Variants in CDK14 observed in about 807,000 individuals in gnomAD.
The protein encoded by CDK14 is cyclin dependent kinase 14, also known as cyclin-dependent kinase 14.
CDK14 carries 34 observed loss-of-function variants against 60.7 expected under a neutral mutation model. The observed-to-expected ratio is 0.56, with a 90% CI of 0.43 to 0.75. CDK14 has a LOEUF of 0.75. Ranked by LOEUF, CDK14 falls within the 30% of genes least tolerant of loss-of-function variation. The probability of loss-of-function intolerance (pLI) is 0.00; values close to 1 mark genes in which losing one functional copy is unlikely to be tolerated. For synonymous variants in CDK14, 197 were observed against 203.7 expected (o/e 0.97, Z 0.28); for missense variants, 482 against 564.1 (o/e 0.85, Z 1.47).
chr7:90,850,320 T>C (rs1038215310), intron 5 of CDK14, among the ~76,000 whole-genome samples: 8 of 152,200 alleles, frequency 5.3e-5, no homozygotes, highest in African/African-American at 1.9e-4. Flanking sequence ...CATGCATGCG[T>C]TATTCAATCA....
chr7:91,201,337 G>A, intron 14 of CDK14, among the ~76,000 whole-genome samples: 1 of 152,060 alleles, frequency 6.6e-6, no homozygotes, highest in African/African-American at 2.4e-5. Flanking sequence ...GAAATGAGCG[G>A]ATTACCTCAC....
intron 10 of CDK14, among the ~76,000 whole-genome samples, chr7:90,997,849 C>A (rs1795729014): frequency 1.3e-5 from 2 of 152,138 alleles, no homozygotes; most frequent in African/African-American, 4.8e-5. Context: ...TTGTGAGTGT[C>A]TTTAGTAAGC....
chr7:90,637,983 C>A (rs1448226008), intron 2 of CDK14, among the ~76,000 whole-genome samples: 1 of 133,012 alleles, frequency 7.5e-6, no homozygotes, highest in Non-Finnish European at 1.6e-5. Context: ...TTTCCATTTG[C>A]TTGGTAGATC....
chr7:91,007,415 G>A (rs571496297), intron 10 of CDK14, among the ~76,000 whole-genome samples: 176 of 152,278 alleles, frequency 1.2e-3, no homozygotes, highest in Middle Eastern at 3.4e-3. Flanking sequence ...TCAGGTGTGG[G>A]CCACACCACT....
chr7:91,035,276 G>C (rs545422240), intron 10 of CDK14, among the ~76,000 whole-genome samples: 1 of 152,194 alleles, frequency 6.6e-6, no homozygotes, highest in Non-Finnish European at 1.5e-5. Context: ...CTAGTGCACT[G>C]TGTCTATGGA....
chr7:90,832,781 A>G (rs1194656712), intron 5 of CDK14, among the ~76,000 whole-genome samples: 1 of 152,216 alleles, frequency 6.6e-6, no homozygotes, highest in East Asian at 1.9e-4. Flanking sequence ...TAGCTTAAGA[A>G]CATAGGTCAT....
chr7:90,624,680 T>C (rs1454842940), intron 2 of CDK14, among the ~76,000 whole-genome samples: 2 of 152,204 alleles, frequency 1.3e-5, no homozygotes, highest in African/African-American at 4.8e-5. Flanking sequence ...AAGCTGCTTA[T>C]GAGAAGGATT....
At chr7:90,665,441 G>T (rs1187425707) in intron 2 of CDK14, among the ~76,000 whole-genome samples, 1 of 152,168 alleles carries the variant, frequency 6.6e-6, no homozygotes, top group Non-Finnish European at 1.5e-5. Flanking sequence ...GAGTTTAGCA[G>T]AAAGCAGGAA....
At chr7:90,941,895 C>A (rs1793948490) in intron 8 of CDK14, among the ~76,000 whole-genome samples, 1 of 152,226 alleles carries the variant, frequency 6.6e-6, no homozygotes, top group South Asian at 2.1e-4. Flanking sequence ...CACATCCTGG[C>A]TCCTCCCTGG....
intron 12 of CDK14, among the ~76,000 whole-genome samples, chr7:91,084,258 G>A (rs530643647): frequency 1.1e-3 from 161 of 152,306 alleles, no homozygotes; most frequent in Non-Finnish European, 1.5e-3. Context: ...GCAGCCATGG[G>A]TGGGGATATC....
intron 8 of CDK14, among the ~76,000 whole-genome samples, chr7:90,941,186 G>T (rs1432392613): frequency 1.3e-5 from 2 of 152,184 alleles, no homozygotes; most frequent in African/African-American, 4.8e-5. Flanking sequence ...GTTGAGATTA[G>T]AATTAGATAT....
chr7:90,700,506 C>T (rs549328630), intron 2 of CDK14, among the ~76,000 whole-genome samples: 23 of 152,238 alleles, frequency 1.5e-4, no homozygotes, highest in African/African-American at 5.1e-4. Context: ...AGAAAAGAAC[C>T]TTTATTCATA....
intron 10 of CDK14, among the ~76,000 whole-genome samples, chr7:91,021,287 G>A (rs1363610425): frequency 6.6e-6 from 1 of 152,144 alleles, no homozygotes; most frequent in South Asian, 2.1e-4. Context: ...TTCACAACAT[G>A]GGACTTAACC....
chr7:90,616,474 C>T (rs907822321), intron 2 of CDK14, among the ~76,000 whole-genome samples: 1 of 152,142 alleles, frequency 6.6e-6, no homozygotes, highest in Non-Finnish European at 1.5e-5. Context: ...ATTCTCTTCT[C>T]TTAAAAGGCA....
At chr7:90,636,219 C>T (rs1430853564) in intron 2 of CDK14, among the ~76,000 whole-genome samples, 3 of 152,180 alleles carry the variant, frequency 2.0e-5, no homozygotes, top group African/African-American at 7.2e-5. Flanking sequence ...TGCCAGTTTT[C>T]AAATGGAATG....
At chr7:91,175,528 G>C (rs149523589) in intron 14 of CDK14, among the ~76,000 whole-genome samples, 8,837 of 152,164 alleles carry the variant, frequency 0.058, 380 homozygotes, top group Admixed American at 0.14. Flanking sequence ...TGAATAAAGA[G>C]TCAAGACCCA....
In CDK14 at chr7:90,774,168, T is replaced by C. The variant is rs1284023967; in HGVS notation, c.465-16405T>C. Reference sequence around the variant, plus strand: ...ATCTGCCTGCCCTGGCCTCCCAGAGTGCTGAGATTACAGGTGTGAGCCACT... The same window carrying C: ...ATCTGCCTGCCCTGGCCTCCCAGAGCGCTGAGATTACAGGTGTGAGCCACT... On this transcript the variant is annotated intron_variant, in intron 4 of 14. Coordinates refer to ENST00000380050, the MANE Select transcript of CDK14 (RefSeq NM_001287135.2). Among the ~76,000 whole-genome samples, 5 of 151,854 alleles carry C rather than the reference T, an allele frequency of 3.3e-5. No individual in the cohort carries two copies. In the East Asian group the frequency reaches 7.8e-4, roughly 24 times the overall value.
chr7:90,783,617 C>T lies in CDK14; in HGVS notation c.465-6956C>T, dbSNP rs1394977623. ...AAGATCGATTAAAAAATGGGCAAAACATTTGAATAGACATTTCTCAAAAGA... is the reference window on the plus strand; with the variant it reads ...AAGATCGATTAAAAAATGGGCAAAATATTTGAATAGACATTTCTCAAAAGA... On this transcript the variant is annotated intron_variant, in intron 4 of 14. Transcript: ENST00000380050. Among the ~76,000 whole-genome samples, 4 of 152,102 alleles carry T rather than the reference C, an allele frequency of 2.6e-5. No individual in the cohort carries two copies. The East Asian group carries it at 5.8e-4, about 22-fold the overall frequency.
chr7:90,655,243 C>T (rs375572959), intron 2 of CDK14, among the ~76,000 whole-genome samples: 8 of 152,242 alleles, frequency 5.3e-5, no homozygotes, highest in African/African-American at 1.9e-4. Flanking sequence ...ATTGATGTAA[C>T]ATAGTTTGTT....
Sources: gnomAD v4.1 joint callset for allele counts (sites outside exome capture counted in the v4.1 genomes callset) on GRCh38, gnomAD v4.1.1 for gene constraint, MANE v1.5 for transcripts, NCBI Gene and HGNC (gene_info 2026-07-23, HGNC 2026-07-21) for gene names.